ADGRB3: variants seen among roughly 807,000 people sequenced by gnomAD.
ADGRB3 encodes the protein brain-specific angiogenesis inhibitor 3.
In ADGRB3, 37 loss-of-function variants were observed where a neutral mutation model predicts 193.4. The observed-to-expected ratio is 0.19, with a 90% CI of 0.15 to 0.25. ADGRB3 has a LOEUF of 0.25. ADGRB3 is among the 10% of genes least tolerant of loss of function. The pLI, the probability that ADGRB3 is intolerant of heterozygous loss-of-function variation, is 1.00. For synonymous variants in ADGRB3, 690 were observed against 644.2 expected, an observed-to-expected ratio of 1.07 and a Z score of -1.08; for missense variants, 1,637 against 1,852.9, an observed-to-expected ratio of 0.88 and a Z score of 2.14.
intron 20 of ADGRB3, among the ~76,000 whole-genome samples, chr6:69,255,770 C>G (rs1766752162): frequency 6.6e-6 from 1 of 152,128 alleles, no homozygotes; most frequent in Non-Finnish European, 1.5e-5. Flanking sequence ...GACATGAAGT[C>G]CTTGCCCATG....
intron 3 of ADGRB3, among the ~76,000 whole-genome samples, chr6:68,751,606 A>G (rs1024904266): frequency 1.3e-5 from 2 of 152,310 alleles, no homozygotes; most frequent in Admixed American, 1.3e-4. Flanking sequence ...CCCCATACCA[A>G]GGGAGCATTT....
chr6:69,364,549 A>G (rs887984025), intron 29 of ADGRB3, among the ~76,000 whole-genome samples: 1 of 152,052 alleles, frequency 6.6e-6, no homozygotes, highest in Non-Finnish European at 1.5e-5. Flanking sequence ...TCTGAGCCTA[A>G]TAGTACCTTG....
At chr6:69,079,748 T>G (rs916988563) in intron 17 of ADGRB3, among the ~76,000 whole-genome samples, 1 of 152,170 alleles carries the variant, frequency 6.6e-6, no homozygotes, top group Admixed American at 6.6e-5. Context: ...TGACTACATT[T>G]CCTGGAAAAC....
rs1368391478 is a variant in ADGRB3 at position 69,360,863 on chromosome 6, T to A, written c.3596-6T>A. 1 of 1,579,540 alleles carries A rather than the reference T, an allele frequency of 6.3e-7. No homozygotes were observed. Among genetic ancestry groups the A allele is most frequent in the African/African-American group, 1.4e-5 (1 of 73,394 alleles). ...TCTTTCTTCAACTTTACATTCCTACTCACAGTTCTTCATAAGGATATTGGT... is the reference window on the plus strand; with the variant it reads ...TCTTTCTTCAACTTTACATTCCTACACACAGTTCTTCATAAGGATATTGGT... On this transcript the variant is annotated splice_region_variant and splice_polypyrimidine_tract_variant and intron_variant, in intron 28 of 31. Transcript: ENST00000370598.
intron 30 of ADGRB3, among the ~76,000 whole-genome samples, chr6:69,379,634 G>T (rs955093234): frequency 6.6e-6 from 1 of 151,906 alleles, no homozygotes; most frequent in African/African-American, 2.4e-5. Context: ...AAGGCTGGAC[G>T]ATCTACTTGA....
intron 3 of ADGRB3, among the ~76,000 whole-genome samples, chr6:68,800,158 G>T (rs1767284864): frequency 6.6e-6 from 1 of 152,036 alleles, no homozygotes; most frequent in Admixed American, 6.6e-5. Context: ...TTGAAGAGTG[G>T]TTAAATTCAG....
At position 68,797,574 on chromosome 6, in the gene ADGRB3, G is replaced by C. The variant is rs533418516; in HGVS notation, c.758-132985G>C. On this transcript the variant is annotated intron_variant, in intron 3 of 31. Coordinates refer to ENST00000370598, the MANE Select transcript of ADGRB3 (RefSeq NM_001704.3). ...TCATTTTTCCATCTTACAGAAGAGA[G>C]AGTGGAGGTTCAGAGTACTTAAGGG... Among the ~76,000 whole-genome samples the C allele has an allele frequency of 2.0e-4, 30 of 152,198 alleles. No individual in the cohort carries two copies. In the East Asian group the frequency reaches 2.9e-3, roughly 15 times the overall value.
chr6:69,331,146 C>A (rs1768719227), intron 23 of ADGRB3, among the ~76,000 whole-genome samples: 1 of 152,154 alleles, frequency 6.6e-6, no homozygotes, highest in African/African-American at 2.4e-5. Context: ...CATCTTCAGA[C>A]ATTTTCCAAT....
chr6:69,054,728 T>C (rs1205010681), intron 15 of ADGRB3, among the ~76,000 whole-genome samples: 2 of 152,208 alleles, frequency 1.3e-5, no homozygotes, highest in African/African-American at 2.4e-5. Flanking sequence ...CTTGGCATTT[T>C]TAAAATTCTA....
At chr6:69,161,230 T>C (rs1443631427) in intron 17 of ADGRB3, among the ~76,000 whole-genome samples, 1 of 152,004 alleles carries the variant, frequency 6.6e-6, no homozygotes, top group East Asian at 1.9e-4. Context: ...ATAATAATAA[T>C]AATTTAACAG....
At chr6:68,886,376 G>A (rs902578286) in intron 3 of ADGRB3, among the ~76,000 whole-genome samples, 15 of 152,098 alleles carry the variant, frequency 9.9e-5, no homozygotes, top group African/African-American at 2.6e-4. Flanking sequence ...TCTAACAGGA[G>A]CAACTTGGGC....
intron 3 of ADGRB3, among the ~76,000 whole-genome samples, chr6:68,852,563 G>A (rs904730791): frequency 3.3e-5 from 5 of 151,692 alleles, no homozygotes; most frequent in African/African-American, 7.3e-5. Flanking sequence ...TTATCCCAGA[G>A]GTAAACAAAT....
Position 69,247,658 on chromosome 6 carries a change from T to G in ADGRB3, c.2814+8432T>G, listed in dbSNP as rs188955698. On this transcript the variant is annotated intron_variant, in intron 20 of 31. Coordinates refer to ENST00000370598, the MANE Select transcript of ADGRB3 (RefSeq NM_001704.3). The stretch of plus-strand genomic sequence containing the variant: ...TCACCTTATTCTATAAGTTATCAAT[T>G]CCTGATCAACCCTGCTCACTGTATT... Among the ~76,000 whole-genome samples, 152 of 152,308 alleles carry G rather than the reference T, an allele frequency of 1.0e-3. No homozygotes were observed. In the Middle Eastern group the frequency reaches 0.01, roughly 10 times the overall value.
chr6:69,360,759 A>G (rs1269790063), intron 28 of ADGRB3, 110 bp from the exon 29 acceptor site: 3 of 1,145,798 alleles, frequency 2.6e-6, no homozygotes, highest in Non-Finnish European at 2.4e-6. Context: ...TAACATACCT[A>G]CCAAATAATA....
chr6:69,232,989 G>A, intron 17 of ADGRB3: 1 of 434,810 alleles, frequency 2.3e-6, no homozygotes, highest in South Asian at 3.3e-5. Context: ...TGCTCGTGCT[G>A]CCGCCGCTGC....
intron 3 of ADGRB3, among the ~76,000 whole-genome samples, chr6:68,772,894 A>ATATAT (rs1554191414): frequency 1.8e-3 from 41 of 22,828 alleles, no homozygotes; most frequent in African/African-American, 5.1e-3. Flanking sequence ...AAAAAAAAAA[A>ATATAT]ATATATATAT....
chr6:68,798,855 G>A (rs920717410), intron 3 of ADGRB3, among the ~76,000 whole-genome samples: 6 of 152,152 alleles, frequency 3.9e-5, no homozygotes, highest in African/African-American at 1.2e-4. Flanking sequence ...GGGACATGCC[G>A]TGGATCTCCC....
chr6:69,094,134 G>A (rs745465183), intron 17 of ADGRB3, among the ~76,000 whole-genome samples: 5 of 152,110 alleles, frequency 3.3e-5, no homozygotes, highest in South Asian at 2.1e-4. Flanking sequence ...TACTATGACC[G>A]AAACCAACAG....
At chr6:69,010,958 A>G (rs888276150) in intron 11 of ADGRB3, among the ~76,000 whole-genome samples, 4 of 152,006 alleles carry the variant, frequency 2.6e-5, no homozygotes, top group African/African-American at 9.7e-5. Context: ...TGGCTCTGCT[A>G]CCACAGAAGC....
Sources: gnomAD v4.1 joint callset for allele counts (sites outside exome capture counted in the v4.1 genomes callset) on GRCh38, gnomAD v4.1.1 for gene constraint, MANE v1.5 for transcripts, NCBI Gene and HGNC (gene_info 2026-07-23, HGNC 2026-07-21) for gene names.